Variants in CA10 observed in about 807,000 individuals in gnomAD.
CA10 encodes the protein carbonic anhydrase 10 (inactive).
CA10 carries 14 observed loss-of-function variants against 44.2 expected under a neutral mutation model. The observed-to-expected ratio is 0.32, with a 90% confidence interval of 0.21 to 0.50. The LOEUF is 0.50. Among genes scored for constraint, CA10 ranks in the 20% least tolerant of loss-of-function variants. The pLI is 0.99. For missense variants in CA10, 350 were observed against 409.7 expected, an observed-to-expected ratio of 0.85 and a Z score of 1.26; for synonymous variants, 159 against 141.6, an observed-to-expected ratio of 1.12 and a Z score of -0.87.
chr17:51,712,857 AAAGT>A (rs1281805502), intron 4 of CA10, among the ~76,000 whole-genome samples: 3 of 152,250 alleles, frequency 2.0e-5, no homozygotes, highest in African/African-American at 7.2e-5. Context: ...TGCCAAAAAC[AAAGT>A]AACATTGCCT....
chr17:51,804,134 A>AGT (rs1907040718), intron 3 of CA10, among the ~76,000 whole-genome samples: 1 of 152,248 alleles, frequency 6.6e-6, no homozygotes, highest in African/African-American at 2.4e-5. Flanking sequence ...ATGGTAAATT[A>AGT]GTCCTATCTA....
intron 6 of CA10, among the ~76,000 whole-genome samples, chr17:51,639,152 G>A (rs1912969376): frequency 6.6e-6 from 1 of 152,172 alleles, no homozygotes; most frequent in Non-Finnish European, 1.5e-5. Flanking sequence ...TCTGATGGTG[G>A]TTTGGCCTGA....
chr17:51,803,536 T>C (rs1907017113), intron 3 of CA10, among the ~76,000 whole-genome samples: 1 of 152,226 alleles, frequency 6.6e-6, no homozygotes, highest in African/African-American at 2.4e-5. Context: ...AAACTGTTGG[T>C]TTATTTCTAC....
At position 51,842,110 on chromosome 17, in the gene CA10, G is replaced by A. The variant is rs557635457; in HGVS notation, c.279+88880C>T. Among the ~76,000 whole-genome samples the A allele has an allele frequency of 1.1e-4, 17 of 152,336 alleles. No homozygotes were observed. The South Asian group carries it at 3.5e-3, about 32-fold the overall frequency. ...AGACTATTTGGAATTTGTCCCCCAAGAGGGATAGGGTCATGTTTTCTGAGA... is the reference window on the plus strand; with the variant it reads ...AGACTATTTGGAATTTGTCCCCCAAAAGGGATAGGGTCATGTTTTCTGAGA... On this transcript the variant is annotated intron_variant, in intron 3 of 8. Transcript: ENST00000451037.
At chr17:52,092,822 A>T (rs4316801) in intron 1 of CA10, among the ~76,000 whole-genome samples, 77,989 of 152,018 alleles carry the variant, frequency 0.51, 20,738 homozygotes, top group African/African-American at 0.63. Context: ...CATCTTCTTA[A>T]ACTGCTTTTT....
intron 2 of CA10, among the ~76,000 whole-genome samples, chr17:51,994,013 T>C (rs1487434376): frequency 2.0e-5 from 3 of 152,064 alleles, no homozygotes; most frequent in Admixed American, 2.0e-4. Flanking sequence ...ATGTGGCATA[T>C]AATATATGGC....
At chr17:51,655,136 G>A (rs561892712) in intron 4 of CA10, among the ~76,000 whole-genome samples, 1 of 152,238 alleles carries the variant, frequency 6.6e-6, no homozygotes, top group Non-Finnish European at 1.5e-5. Flanking sequence ...GTAGTTTGTA[G>A]CTATCTTTCT....
chr17:51,743,429 G>A (rs1211375815), intron 4 of CA10, among the ~76,000 whole-genome samples: 1 of 152,144 alleles, frequency 6.6e-6, no homozygotes, highest in African/African-American at 2.4e-5. Context: ...CCTTCTTAAA[G>A]AAATGGAGAC....
chr17:52,061,344 G>A (rs1598193535), intron 2 of CA10, among the ~76,000 whole-genome samples: 1 of 152,272 alleles, frequency 6.6e-6, no homozygotes, highest in Non-Finnish European at 1.5e-5. Context: ...CTTCTAGAAG[G>A]TGGAGAAGGC....
intron 4 of CA10, among the ~76,000 whole-genome samples, chr17:51,664,983 A>G (rs1029143095): frequency 1.3e-5 from 2 of 152,170 alleles, no homozygotes; most frequent in African/African-American, 4.8e-5. Flanking sequence ...GGAAGGAAAG[A>G]CTGAATCCTC....
intron 2 of CA10, among the ~76,000 whole-genome samples, chr17:52,015,735 T>A (rs6504756): frequency 0.99 from 150,352 of 152,242 alleles, 74,273 homozygotes; most frequent in East Asian, 1. Context: ...GAGCACATAT[T>A]TGCAAAATTT....
At chr17:51,857,934 C>T (rs1360505924) in intron 3 of CA10, among the ~76,000 whole-genome samples, 1 of 152,154 alleles carries the variant, frequency 6.6e-6, no homozygotes, top group Admixed American at 6.5e-5. Flanking sequence ...AGGGGTTTCT[C>T]CTTAGCCTCA....
chr17:51,734,087 C>A (rs966930703), intron 4 of CA10, among the ~76,000 whole-genome samples: 1 of 149,704 alleles, frequency 6.7e-6, no homozygotes, highest in Non-Finnish European at 1.5e-5. Flanking sequence ...ACAATCTGAG[C>A]TTTACTTTTT....
intron 4 of CA10, among the ~76,000 whole-genome samples, chr17:51,683,872 G>A (rs1479354106): frequency 6.6e-6 from 1 of 152,128 alleles, no homozygotes; most frequent in East Asian, 1.9e-4. Context: ...ATAATTGGGG[G>A]TTGCCTAGAT....
chr17:51,642,682 G>A (rs774792532), intron 6 of CA10, among the ~76,000 whole-genome samples: 13 of 151,630 alleles, frequency 8.6e-5, no homozygotes, highest in Non-Finnish European at 1.6e-4. Flanking sequence ...TTGCTCTGTC[G>A]CCCAGGCTGG....
intron 6 of CA10, among the ~76,000 whole-genome samples, chr17:51,640,880 A>G (rs561642457): frequency 4.9e-4 from 75 of 152,222 alleles, no homozygotes; most frequent in African/African-American, 1.7e-3. Context: ...GGACCAATAT[A>G]CCAGAAGGGA....
chr17:51,832,822 G>C (rs1012784901), intron 3 of CA10, among the ~76,000 whole-genome samples: 2 of 152,150 alleles, frequency 1.3e-5, no homozygotes, highest in Non-Finnish European at 2.9e-5. Context: ...AAAGGACATG[G>C]GGTATAAGCT....
intron 3 of CA10, among the ~76,000 whole-genome samples, chr17:51,906,401 A>G (rs1299421490): frequency 1.3e-5 from 2 of 151,982 alleles, no homozygotes; most frequent in African/African-American, 4.8e-5. Context: ...TTATGGCACC[A>G]CACTTTCTGG....
At chr17:52,137,860 A>G (rs1989393252) in intron 1 of CA10, among the ~76,000 whole-genome samples, 1 of 152,184 alleles carries the variant, frequency 6.6e-6, no homozygotes, top group African/African-American at 2.4e-5. Flanking sequence ...GATGCGGGAA[A>G]TATTAATAAT....
Sources: allele counts gnomAD v4.1 joint callset (sites outside exome capture counted in the v4.1 genomes callset), GRCh38; gene constraint gnomAD v4.1.1; transcripts MANE v1.5; gene names NCBI Gene and HGNC (gene_info 2026-07-23, HGNC 2026-07-21).